The following NPR3 variants were observed in gnomAD, a reference collection of about 807,000 sequenced individuals.
NPR3 encodes the protein natriuretic peptide receptor 3, also known as atrial natriuretic peptide receptor 3.
NPR3 carries 34 observed loss-of-function variants against 54.5 expected under a neutral mutation model. The ratio of observed to expected loss-of-function variants is 0.62; its 90% CI spans 0.47 to 0.83. The LOEUF (loss-of-function observed/expected upper bound fraction) is 0.83. NPR3 is among the 40% of genes least tolerant of loss of function. The pLI is 0.00. For synonymous variants in NPR3, 289 were observed against 297.1 expected (o/e 0.97, Z 0.28); for missense variants, 674 against 720.8 (o/e 0.94, Z 0.74).
upstream of NPR3, chr5:32,710,681 G>C: frequency 6.5e-7 from 1 of 1,540,838 alleles, no homozygotes; most frequent in Non-Finnish European, 8.8e-7. Flanking sequence ...ATCTGCACTG[G>C]GACCTTGGTC....
intron 3 of NPR3, among the ~76,000 whole-genome samples, chr5:32,758,136 T>C (rs1740948994): frequency 6.6e-6 from 1 of 152,202 alleles, no homozygotes; most frequent in Non-Finnish European, 1.5e-5. Context: ...TAGGGAGGAT[T>C]CCCTCTTTTT....
chr5:32,693,862 T>C (rs958537893), intron 1 of NPR3, among the ~76,000 whole-genome samples: 2 of 152,230 alleles, frequency 1.3e-5, no homozygotes, highest in African/African-American at 4.8e-5. Flanking sequence ...ATAACACCCA[T>C]GATCCAAAAG....
intron 1 of NPR3, among the ~76,000 whole-genome samples, chr5:32,703,145 G>GTGAAC: frequency 6.6e-6 from 1 of 152,140 alleles, no homozygotes; most frequent in South Asian, 2.1e-4. Context: ...GGCTACTGCT[G>GTGAAC]ATGTTCACTC....
Position 32,711,994 on chromosome 5 carries a change from G to T in NPR3, c.218G>T (p.Arg73Leu). 1.9e-6 allele frequency: 3 copies of T among 1,611,880 alleles called. No individual in the cohort carries two copies. The highest frequency in any genetic ancestry group is 2.5e-6 in the Non-Finnish European group (3 of 1,178,924). Residue 73 changes from arginine (R) to leucine (L), a missense_variant, in exon 1 of 8, where the codon CGG becomes CTG. Arg to Leu is a moderately radical substitution (Grantham distance 102). Transcript: ENST00000265074. Reference sequence around the variant, plus strand: ...TACTTGTTTTCACTCACCCGGGTGCGGCCGGCCATCGAGTATGCTCTGCGC... The same window carrying T: ...TACTTGTTTTCACTCACCCGGGTGCTGCCGGCCATCGAGTATGCTCTGCGC... ...DSYLFSLTRV[R>L]PAIEYALRSV...
intron 2 of NPR3, among the ~76,000 whole-genome samples, chr5:32,728,833 GTGTGTATA>G (rs1369402666): frequency 3.6e-4 from 23 of 64,056 alleles, no homozygotes; most frequent in African/African-American, 1.3e-3. Flanking sequence ...GTGTGTGTGT[GTGTGTATA>G]TATATATATA....
chr5:32,726,922 T>C (rs1739166942), intron 2 of NPR3, among the ~76,000 whole-genome samples: 1 of 152,240 alleles, frequency 6.6e-6, no homozygotes, highest in Non-Finnish European at 1.5e-5. Context: ...GGCTACATGT[T>C]CTTTTATAAT....
chr5:32,721,321 C>T (rs1417082769), intron 1 of NPR3, among the ~76,000 whole-genome samples: 3 of 152,166 alleles, frequency 2.0e-5, no homozygotes, highest in East Asian at 3.8e-4. Context: ...AGACACAGTG[C>T]CACTCTATGT....
chr5:32,776,159 G>A (rs1239095827), intron 4 of NPR3, among the ~76,000 whole-genome samples: 1 of 152,172 alleles, frequency 6.6e-6, no homozygotes, highest in Non-Finnish European at 1.5e-5. Flanking sequence ...TGAAAGGGGT[G>A]ATAGTATGAA....
upstream of NPR3, among the ~76,000 whole-genome samples, chr5:32,707,832 G>T (rs1223570239): frequency 5.9e-5 from 9 of 152,066 alleles, no homozygotes; most frequent in East Asian, 1.5e-3. Context: ...ACACTTCAAA[G>T]AATCACATGT....
chr5:32,727,885 CA>C (rs1417946599), intron 2 of NPR3, among the ~76,000 whole-genome samples: 1 of 152,142 alleles, frequency 6.6e-6, no homozygotes, highest in Non-Finnish European at 1.5e-5. Context: ...TATCATATAA[CA>C]GGGGTGATAC....
chr5:32,733,233 T>G (rs1273084763), intron 2 of NPR3, among the ~76,000 whole-genome samples: 1 of 152,168 alleles, frequency 6.6e-6, no homozygotes, highest in Non-Finnish European at 1.5e-5. Context: ...AATTACTAGA[T>G]TGTTTGGTCT....
rs2112096378 is a variant in NPR3 at position 32,791,693 on chromosome 5, TC to T, written c.*5349del. ...ACGTACTCAGAGTATAACAATGTGT[TC>T]TCATTAAAAAATACATCCCACGGAA... On this transcript the variant is annotated 3_prime_UTR_variant, in exon 8 of 8. Transcript: ENST00000265074. 2 of 166,550 alleles carry T rather than the reference TC, an allele frequency of 1.2e-5. No individual in the cohort carries two copies. The highest frequency in any genetic ancestry group is 4.1e-4 in the South Asian group (2 of 4,826). 10.3% of individuals were successfully genotyped at this position (166,550 alleles called of 1,614,324 possible).
At position 32,786,721 on chromosome 5, in the gene NPR3, T is replaced by G; in HGVS notation, c.*376T>G. 4 of 191,178 alleles carry G rather than the reference T, an allele frequency of 2.1e-5. No homozygotes were observed. The South Asian group carries it at 4.3e-4, about 20-fold the overall frequency. The allele number at this position is 191,178 out of a possible 1,614,324, so 11.8% of individuals were successfully genotyped here. A position where few individuals can be genotyped will look rare whatever the true frequency, so the allele number is the denominator to read the frequency against. ...TAAATGAAATGTTTTGTAGCTAGAA[T>G]AAAATCATTTTTACAAGTACAGCAT... is the stretch of plus-strand genomic sequence containing the variant. On this transcript the variant is annotated 3_prime_UTR_variant, in exon 8 of 8. Coordinates refer to ENST00000265074, the MANE Select transcript of NPR3 (RefSeq NM_001204375.2).
intron 2 of NPR3, among the ~76,000 whole-genome samples, chr5:32,726,003 G>T (rs563544876): frequency 1.6e-4 from 25 of 152,254 alleles, no homozygotes; most frequent in African/African-American, 5.5e-4. Flanking sequence ...AAGATAACAG[G>T]TACAAGACAT....
At position 32,759,538 on chromosome 5, in the gene NPR3, T is replaced by C. The variant is rs547255689; in HGVS notation, c.1060-15170T>C. Among the ~76,000 whole-genome samples the C allele has an allele frequency of 2.0e-5, 3 of 152,356 alleles. No individual in the cohort carries two copies. The South Asian group carries it at 6.2e-4, about 32-fold the overall frequency. ...GGGTCTCCTGAATACAGCACACTGA[T>C]GGGTCTTGACTCTTTATCCAATTTG... On this transcript the variant is annotated intron_variant, in intron 3 of 7. Transcript: ENST00000265074.
chr5:32,772,884 A>AGG (rs202009539), intron 3 of NPR3, among the ~76,000 whole-genome samples: 2 of 152,142 alleles, frequency 1.3e-5, no homozygotes, highest in South Asian at 2.1e-4. Context: ...AGAACTGGAA[A>AGG]GGGGGGGCGA....
chr5:32,700,390 A>G (rs747853725), intron 1 of NPR3, among the ~76,000 whole-genome samples: 1 of 151,724 alleles, frequency 6.6e-6, no homozygotes, highest in Non-Finnish European at 1.5e-5. Flanking sequence ...GTTTTTTTAA[A>G]TTCTTTTTTC....
intron 3 of NPR3, among the ~76,000 whole-genome samples, chr5:32,740,039 C>G (rs1407922585): frequency 1.3e-5 from 2 of 152,204 alleles, no homozygotes; most frequent in African/African-American, 4.8e-5. Flanking sequence ...CACCACCATG[C>G]CCAGCTAATT....
At chr5:32,752,617 G>A (rs780895568) in intron 3 of NPR3, among the ~76,000 whole-genome samples, 20 of 152,152 alleles carry the variant, frequency 1.3e-4, no homozygotes, top group Non-Finnish European at 2.2e-4. Context: ...GGTCCTTTCA[G>A]GCACTGGAGG....
Sources: allele counts gnomAD v4.1 joint callset (sites outside exome capture counted in the v4.1 genomes callset), GRCh38; gene constraint gnomAD v4.1.1; transcripts MANE v1.5; gene names NCBI Gene and HGNC (gene_info 2026-07-23, HGNC 2026-07-21).